RIC3: variants seen among roughly 807,000 people sequenced by gnomAD.
RIC3 encodes the protein protein RIC-3.
RIC3 carries 28 observed loss-of-function variants against 27.3 expected under a neutral mutation model. The ratio of observed to expected loss-of-function variants is 1.02; its 90% CI spans 0.76 to 1.41. The LOEUF is 1.41. Ranked by LOEUF, RIC3 falls within the 40% of genes most tolerant of loss-of-function variation. The pLI, the probability that RIC3 is intolerant of heterozygous loss-of-function variation, is 0.00. For missense variants in RIC3, 501 were observed against 444.7 expected (o/e 1.13, Z -1.14); for synonymous variants, 184 against 160.4 (o/e 1.15, Z -1.11).
chr11:8,144,181 G>C (rs1429724750), intron 1 of RIC3, among the ~76,000 whole-genome samples: 1 of 151,932 alleles, frequency 6.6e-6, no homozygotes, highest in Non-Finnish European at 1.5e-5. Context: ...TGTCAAATGG[G>C]ATCTAATGAA....
At chr11:8,101,125 G>C (rs966149823), downstream of RIC3, 55 of 1,164,590 alleles carry the variant, frequency 4.7e-5, no homozygotes, top group Non-Finnish European at 6.0e-5. Flanking sequence ...GCTAAGGTTA[G>C]ATGTATGGAA....
At chr11:8,095,775 G>A in the RIC3 span, 1 of 1,168,382 alleles carries the variant, frequency 8.6e-7, no homozygotes. Context: ...CCCTGGCAAT[G>A]GTGGGTGAGG....
intron 5 of RIC3, among the ~76,000 whole-genome samples, chr11:8,121,560 A>T (rs1027375879): frequency 9.3e-5 from 14 of 150,200 alleles, no homozygotes; most frequent in Non-Finnish European, 1.9e-4. Context: ...TACTAAAACT[A>T]AAAAAATTAG....
At chr11:8,162,377 A>T (rs1340745787) in intron 1 of RIC3, among the ~76,000 whole-genome samples, 1 of 152,240 alleles carries the variant, frequency 6.6e-6, no homozygotes, top group Non-Finnish European at 1.5e-5. Flanking sequence ...TCTCAACTGG[A>T]TGACTACAAC....
chr11:8,114,195 G>C (rs1475128424), intron 5 of RIC3, among the ~76,000 whole-genome samples: 3 of 152,208 alleles, frequency 2.0e-5, no homozygotes, highest in South Asian at 4.1e-4. Flanking sequence ...ACCAGCAAAA[G>C]TCCCTGCTTC....
At chr11:8,138,514 G>C in intron 2 of RIC3, 167 bp from the exon 3 acceptor site, 1 of 522,036 alleles carries the variant, frequency 1.9e-6, no homozygotes. Flanking sequence ...GCCAAAAGAT[G>C]AGGTTTCCAA....
At chr11:8,132,618 T>C (rs1236302125) in intron 4 of RIC3, among the ~76,000 whole-genome samples, 4 of 152,364 alleles carry the variant, frequency 2.6e-5, no homozygotes, top group African/African-American at 9.6e-5. Context: ...CTGAAAAGTT[T>C]GATTAGATAA....
the RIC3 span, among the ~76,000 whole-genome samples, chr11:8,094,955 T>G: frequency 6.6e-6 from 1 of 152,218 alleles, no homozygotes; most frequent in Non-Finnish European, 1.5e-5. Flanking sequence ...AGCTCTGTGG[T>G]AACGGGCAGG....
At position 8,169,011 on chromosome 11, in the gene RIC3, G is replaced by A; in HGVS notation, c.-22C>T. On this transcript the variant is annotated 5_prime_UTR_variant, in exon 1 of 6. Coordinates refer to ENST00000309737, the MANE Select transcript of RIC3 (RefSeq NM_001206671.4). ...CCATGACTGCTCACGGTGGTCGCAG[G>A]TGCAGACGCCAGCCGGAACCGGAAC... The A allele has an allele frequency of 1.3e-6, 2 of 1,522,614 alleles. No individual in the cohort carries two copies. Among genetic ancestry groups the A allele is most frequent in the Non-Finnish European group, 1.8e-6 (2 of 1,139,922 alleles). The allele number at this position is 1,522,614 out of a possible 1,614,324, so 94.3% of individuals were successfully genotyped here. A position where few individuals can be genotyped will look rare whatever the true frequency, so the allele number is the denominator to read the frequency against.
Position 8,168,857 on chromosome 11 carries a change from T to G in RIC3, c.124+9A>C. 6.2e-7 allele frequency: 1 copy of G among 1,611,016 alleles called. No individual in the cohort carries two copies. The highest frequency in any genetic ancestry group is 1.1e-5 in the South Asian group (1 of 90,938). On this transcript the variant is annotated intron_variant, in intron 1 of 5. Coordinates refer to ENST00000309737, the MANE Select transcript of RIC3 (RefSeq NM_001206671.4). ...CCGGGAAGCTCAGAGGGAGCTGGCC[T>G]GCTCTTACCTTCAGGTGTCGGCGGC...
chr11:8,143,665 T>C (rs373862326), intron 1 of RIC3, among the ~76,000 whole-genome samples: 5,635 of 151,940 alleles, frequency 0.037, 129 homozygotes, highest in South Asian at 0.081. Flanking sequence ...CTTCACAGAA[T>C]TGGAAAAAAC....
intron 1 of RIC3, among the ~76,000 whole-genome samples, chr11:8,160,787 T>C (rs1229284452): frequency 6.6e-6 from 1 of 152,230 alleles, no homozygotes; most frequent in Non-Finnish European, 1.5e-5. Flanking sequence ...CTGAGAGGGC[T>C]GTGTTCAAAC....
At chr11:8,127,919 A>G (rs1947183856) in intron 4 of RIC3, among the ~76,000 whole-genome samples, 1 of 152,236 alleles carries the variant, frequency 6.6e-6, no homozygotes, top group African/African-American at 2.4e-5. Context: ...CAACATGAAG[A>G]TAGTAACTGA....
At chr11:8,139,740 G>C in intron 2 of RIC3, 1 of 374,616 alleles carries the variant, frequency 2.7e-6, no homozygotes, top group Non-Finnish European at 4.7e-6. Flanking sequence ...GTTCTGCCTT[G>C]TTAGTTGTGA....
At chr11:8,097,062 G>C in the RIC3 span, among the ~76,000 whole-genome samples, 2 of 152,100 alleles carry the variant, frequency 1.3e-5, no homozygotes, top group Non-Finnish European at 2.9e-5. Flanking sequence ...TGAGGGCAGG[G>C]CTGGGAAGAT....
intron 1 of RIC3, among the ~76,000 whole-genome samples, chr11:8,145,894 T>C (rs544330631): frequency 9.2e-5 from 14 of 152,078 alleles, no homozygotes; most frequent in Non-Finnish European, 1.3e-4. Flanking sequence ...TTGAACAAAA[T>C]TGACAAAGAT....
chr11:8,164,744 T>C (rs552623464), intron 1 of RIC3, among the ~76,000 whole-genome samples: 1 of 144,394 alleles, frequency 6.9e-6, no homozygotes, highest in East Asian at 2.0e-4. Context: ...CACCACTGTA[T>C]TCCAGCCTGT....
downstream of RIC3, chr11:8,105,214 G>A (rs61561982): frequency 0.047 from 7,106 of 152,140 alleles, 254 homozygotes; most frequent in African/African-American, 0.1. Flanking sequence ...CCCCAGCTGC[G>A]GCATCCCTGT....
At chr11:8,150,022 G>A (rs59304961) in intron 1 of RIC3, among the ~76,000 whole-genome samples, 11,271 of 152,158 alleles carry the variant, frequency 0.074, 477 homozygotes, top group South Asian at 0.11. Context: ...CTCTGACCAC[G>A]CTATTACTGC....
Sources: gnomAD v4.1 joint callset for allele counts (sites outside exome capture counted in the v4.1 genomes callset) on GRCh38, gnomAD v4.1.1 for gene constraint, MANE v1.5 for transcripts, NCBI Gene and HGNC (gene_info 2026-07-23, HGNC 2026-07-21) for gene names.